Variants in NCKAP5 observed in about 807,000 individuals in gnomAD.
The protein encoded by NCKAP5 is NCK associated protein 5.
NCKAP5 carries 92 observed loss-of-function variants against 167.0 expected under a neutral mutation model. That is an observed-to-expected ratio of 0.55 (90% CI 0.47 to 0.66). NCKAP5 has a LOEUF of 0.66. NCKAP5 is among the 30% of genes least tolerant of loss of function. The pLI is 0.00. For synonymous variants in NCKAP5, 891 were observed against 877.4 expected (o/e 1.02, Z -0.27); for missense variants, 2,378 against 2,315.0 (o/e 1.03, Z -0.56).
intron 11 of NCKAP5, among the ~76,000 whole-genome samples, chr2:132,810,216 T>A (rs925500159): frequency 4.6e-5 from 7 of 152,198 alleles, no homozygotes; most frequent in African/African-American, 1.7e-4. Context: ...CTTACCTTCA[T>A]CTTAAGAATG....
intron 1 of NCKAP5, among the ~76,000 whole-genome samples, chr2:133,566,993 T>C (rs1487934615): frequency 2.0e-5 from 3 of 152,186 alleles, no homozygotes; most frequent in Admixed American, 2.0e-4. Flanking sequence ...CTTCTCACAA[T>C]TCTGAGACTA....
chr2:133,148,792 C>T (rs1473918576), intron 5 of NCKAP5, among the ~76,000 whole-genome samples: 2 of 152,040 alleles, frequency 1.3e-5, no homozygotes, highest in African/African-American at 4.8e-5. Context: ...CATAAGAGCT[C>T]CACCCTCATG....
chr2:132,854,984 T>C (rs1489069142), intron 11 of NCKAP5, among the ~76,000 whole-genome samples: 1 of 152,086 alleles, frequency 6.6e-6, no homozygotes, highest in African/African-American at 2.4e-5. Context: ...GCTGTTGAAG[T>C]GTGAAGCAAG....
At chr2:132,996,676 A>G (rs2077611277) in intron 6 of NCKAP5, among the ~76,000 whole-genome samples, 1 of 152,252 alleles carries the variant, frequency 6.6e-6, no homozygotes, top group Non-Finnish European at 1.5e-5. Context: ...CATTTGGTAT[A>G]GGACTATGCC....
chr2:133,127,669 A>G (rs533978854), intron 6 of NCKAP5, among the ~76,000 whole-genome samples: 6 of 152,312 alleles, frequency 3.9e-5, no homozygotes, highest in Admixed American at 2.0e-4. Flanking sequence ...AGACATCTCA[A>G]TTAGACAGTG....
the NCKAP5 span, among the ~76,000 whole-genome samples, chr2:133,672,257 G>A: frequency 6.6e-6 from 1 of 152,188 alleles, no homozygotes; most frequent in Non-Finnish European, 1.5e-5. Flanking sequence ...TCATAAGAGA[G>A]GAGAGCATCT....
In NCKAP5 at chr2:132,782,965, T is replaced by C; in HGVS notation, c.3846A>G (p.Ser1282=). ...TGGGGGGCGTAGAAGGCTTGTCTCC[T>C]GAGTGTGTACTGAAGCTGTGGCTGC... ...KARSHSFSTH[S]GDKPSTPPIE... The change falls in exon 14 of 20, where the codon TCA becomes TCG. Residue 1282 remains serine (S), a synonymous_variant. Transcript: ENST00000409261. 1 of 1,613,986 alleles carries C rather than the reference T, an allele frequency of 6.2e-7. No individual in the cohort carries two copies. The highest frequency in any genetic ancestry group is 8.5e-7 in the Non-Finnish European group (1 of 1,179,888).
chr2:133,616,261 C>T, the NCKAP5 span, among the ~76,000 whole-genome samples: 1 of 145,762 alleles, frequency 6.9e-6, no homozygotes, highest in Non-Finnish European at 1.5e-5. Context: ...CAAGAGCAAA[C>T]ACATTCAAAA....
intron 5 of NCKAP5, among the ~76,000 whole-genome samples, chr2:133,144,789 CT>C (rs1433124047): frequency 2.0e-5 from 3 of 152,136 alleles, no homozygotes; most frequent in Non-Finnish European, 4.4e-5. Context: ...AGTGTGTCTT[CT>C]TATTCTCAAT....
chr2:132,735,422 G>C (rs897273926), intron 16 of NCKAP5, among the ~76,000 whole-genome samples: 2 of 152,092 alleles, frequency 1.3e-5, no homozygotes, highest in African/African-American at 2.4e-5. Context: ...TCTTGCATTT[G>C]AGACACCTGC....
At chr2:132,688,810 A>G (rs1686315054) in intron 19 of NCKAP5, among the ~76,000 whole-genome samples, 1 of 151,782 alleles carries the variant, frequency 6.6e-6, no homozygotes, top group South Asian at 2.1e-4. Flanking sequence ...ACACGGTGAG[A>G]CTCTATCTCT....
chr2:132,796,776 T>C (rs758679412), intron 11 of NCKAP5, 47 bp from the exon 12 acceptor site: 26 of 1,331,118 alleles, frequency 2.0e-5, no homozygotes, highest in Non-Finnish European at 2.7e-5. Flanking sequence ...ATTTAATTAT[T>C]TGTCTCAAAA....
intron 3 of NCKAP5, among the ~76,000 whole-genome samples, chr2:133,468,887 T>A (rs1692816983): frequency 6.6e-6 from 1 of 152,220 alleles, no homozygotes; most frequent in Non-Finnish European, 1.5e-5. Context: ...ATCCTTAGAT[T>A]TTGAGCCTAT....
At chr2:132,850,332 C>G (rs1688979789) in intron 11 of NCKAP5, among the ~76,000 whole-genome samples, 1 of 152,068 alleles carries the variant, frequency 6.6e-6, no homozygotes, top group Admixed American at 6.6e-5. Context: ...CATTGAACAC[C>G]ACTGCAATAT....
chr2:133,279,585 A>G (rs2150455822), intron 4 of NCKAP5, among the ~76,000 whole-genome samples: 1 of 152,314 alleles, frequency 6.6e-6, no homozygotes, highest in South Asian at 2.1e-4. Flanking sequence ...GCCAGTCTTA[A>G]GTAAGGAAAT....
At chr2:133,293,296 G>A (rs1679729435) in intron 4 of NCKAP5, among the ~76,000 whole-genome samples, 1 of 152,202 alleles carries the variant, frequency 6.6e-6, no homozygotes, top group Non-Finnish European at 1.5e-5. Flanking sequence ...TAGAAAGTGA[G>A]TGCAGAGTTT....
At chr2:133,628,902 A>G in the NCKAP5 span, among the ~76,000 whole-genome samples, 4 of 152,234 alleles carry the variant, frequency 2.6e-5, no homozygotes, top group Non-Finnish European at 4.4e-5. Flanking sequence ...CTCCCTAGTC[A>G]GTAAATGGTG....
chr2:133,541,767 T>C lies in NCKAP5; in HGVS notation c.-62+17283A>G, dbSNP rs527434394. On this transcript the variant is annotated intron_variant, in intron 2 of 19. Transcript: ENST00000409261. ...TACATGATATTGACTAAGAAGTTTA[T>C]AAAGGAGATTTTTTTTTTTAAGTGT... is the stretch of plus-strand genomic sequence containing the variant. Among the ~76,000 whole-genome samples the C allele has an allele frequency of 2.0e-5, 3 of 150,212 alleles. No homozygotes were observed. The South Asian group carries it at 6.3e-4, about 31-fold the overall frequency.
rs752158190 is a variant in NCKAP5 at position 132,785,537 on chromosome 2, C to G, written c.1274G>C (p.Gly425Ala). 1.2e-6 allele frequency: 2 copies of G among 1,607,060 alleles called. No individual in the cohort carries two copies. The highest frequency in any genetic ancestry group is 2.2e-5 in the South Asian group (2 of 89,866). ...ATTCGAGTTCATGCAATCTTTATAA[C>G]CCCATTTGGTTATCACTGATGGGGG... ...LEPPSVITKWGYKDCMNSNEG... is the reference protein window; with the variant it reads ...LEPPSVITKWAYKDCMNSNEG... Residue 425 changes from glycine to alanine, a missense_variant, in exon 14 of 20, where the codon GGT (glycine) becomes GCT (alanine). Transcript: ENST00000409261.
Sources: allele counts gnomAD v4.1 joint callset (sites outside exome capture counted in the v4.1 genomes callset), GRCh38; gene constraint gnomAD v4.1.1; transcripts MANE v1.5; gene names NCBI Gene and HGNC (gene_info 2026-07-23, HGNC 2026-07-21).